The following PTPRD variants were observed in gnomAD, a reference collection of about 807,000 sequenced individuals.
The protein encoded by PTPRD is receptor-type tyrosine-protein phosphatase delta.
In PTPRD, 34 loss-of-function variants were observed where a neutral mutation model predicts 214.5. That is an observed-to-expected ratio of 0.16 (90% CI 0.12 to 0.21). PTPRD has a LOEUF of 0.21. Among genes scored for constraint, PTPRD ranks in the 10% least tolerant of loss-of-function variants. The pLI, the probability that PTPRD is intolerant of heterozygous loss-of-function variation, is 1.00. For missense variants in PTPRD, 2,545 were observed against 2,398.7 expected (o/e 1.06, Z -1.27); for synonymous variants, 1,128 against 845.7 (o/e 1.33, Z -5.79).
chr9:8,422,419 A>C (rs1262980078), intron 35 of PTPRD, among the ~76,000 whole-genome samples: 1 of 152,122 alleles, frequency 6.6e-6, no homozygotes, highest in African/African-American at 2.4e-5. Flanking sequence ...TTTTTCAGAA[A>C]ACATTTTTAT....
intron 6 of PTPRD, among the ~76,000 whole-genome samples, chr9:9,762,646 G>A (rs926108159): frequency 3.9e-5 from 6 of 152,142 alleles, no homozygotes; most frequent in Admixed American, 3.3e-4. Context: ...AAAAAGGATT[G>A]ATTCTCTTCC....
At chr9:9,601,244 A>G (rs1177590145) in intron 7 of PTPRD, among the ~76,000 whole-genome samples, 2 of 151,840 alleles carry the variant, frequency 1.3e-5, no homozygotes, top group Non-Finnish European at 2.9e-5. Flanking sequence ...ATTACTTTTG[A>G]TAAAAATTTT....
At chr9:10,379,658 A>G (rs763310398) in intron 2 of PTPRD, among the ~76,000 whole-genome samples, 1 of 152,094 alleles carries the variant, frequency 6.6e-6, no homozygotes, top group Non-Finnish European at 1.5e-5. Flanking sequence ...ATAACAGTTC[A>G]AAAAGAATAT....
chr9:10,496,796 C>T (rs997248422), intron 2 of PTPRD, among the ~76,000 whole-genome samples: 12 of 151,848 alleles, frequency 7.9e-5, no homozygotes, highest in Admixed American at 3.3e-4. Flanking sequence ...CACACTTTAA[C>T]GGGGTTATGT....
At chr9:8,581,834 T>A (rs745534784) in intron 14 of PTPRD, among the ~76,000 whole-genome samples, 15 of 136,654 alleles carry the variant, frequency 1.1e-4, no homozygotes, top group Non-Finnish European at 1.8e-4. Context: ...CTCACGCCTG[T>A]AATCCCAGCA....
intron 3 of PTPRD, among the ~76,000 whole-genome samples, chr9:10,292,196 C>T (rs1304665962): frequency 2.0e-5 from 3 of 151,982 alleles, no homozygotes; most frequent in Non-Finnish European, 2.9e-5. Flanking sequence ...GTAAAAGATA[C>T]TGAGGAGACA....
chr9:8,822,392 A>G (rs1362182194), intron 11 of PTPRD, among the ~76,000 whole-genome samples: 2 of 152,230 alleles, frequency 1.3e-5, no homozygotes, highest in African/African-American at 2.4e-5. Flanking sequence ...ACAAACCAAT[A>G]TAATCATGTG....
intron 8 of PTPRD, among the ~76,000 whole-genome samples, chr9:9,404,374 A>G (rs984594716): frequency 1.3e-5 from 2 of 152,112 alleles, no homozygotes; most frequent in Admixed American, 6.6e-5. Flanking sequence ...CTGGAGATGG[A>G]GAAAACTGGA....
intron 34 of PTPRD, among the ~76,000 whole-genome samples, chr9:8,438,533 G>C (rs912407017): frequency 2.0e-5 from 3 of 152,202 alleles, no homozygotes; most frequent in African/African-American, 4.8e-5. Context: ...GAGGGTGACA[G>C]TGATCTGATA....
intron 8 of PTPRD, among the ~76,000 whole-genome samples, chr9:9,537,806 A>G (rs2076819513): frequency 6.6e-6 from 1 of 151,900 alleles, no homozygotes; most frequent in African/African-American, 2.4e-5. Flanking sequence ...TTATATAACT[A>G]AGCTTTTACC....
intron 10 of PTPRD, among the ~76,000 whole-genome samples, chr9:9,171,211 C>T (rs2099914841): frequency 6.6e-6 from 1 of 152,022 alleles, no homozygotes; most frequent in African/African-American, 2.4e-5. Context: ...CTAAATGGGG[C>T]ATTGAGAGGT....
chr9:8,448,780 G>A lies in PTPRD; in HGVS notation c.3988+945C>T, dbSNP rs565407065. Among the ~76,000 whole-genome samples the A allele has an allele frequency of 8.5e-5, 13 of 152,252 alleles. 1 individual carries two copies. In the South Asian group the frequency reaches 2.7e-3, roughly 32 times the overall value. On this transcript the variant is annotated intron_variant, in intron 34 of 45. Transcript: ENST00000381196. ...TGTTCAAAATAATTCACTGTAAAAT[G>A]TGTACTGTAATATATCTGCAGTGTA...
intron 8 of PTPRD, among the ~76,000 whole-genome samples, chr9:9,432,425 T>C (rs1354456972): frequency 6.6e-6 from 1 of 152,208 alleles, no homozygotes; most frequent in Non-Finnish European, 1.5e-5. Context: ...ATTTTTAAAA[T>C]GCTTCTATAG....
intron 11 of PTPRD, among the ~76,000 whole-genome samples, chr9:8,964,805 T>A (rs984623731): frequency 3.3e-5 from 5 of 152,186 alleles, no homozygotes; most frequent in African/African-American, 1.2e-4. Context: ...ATTTCATTGT[T>A]TATCCAAAAG....
At chr9:8,484,619 T>C (rs1046602026) in intron 29 of PTPRD, among the ~76,000 whole-genome samples, 5 of 151,122 alleles carry the variant, frequency 3.3e-5, no homozygotes, top group Admixed American at 1.3e-4. Context: ...GATATATACA[T>C]ATATATATAT....
At chr9:8,550,911 G>T (rs761909617) in intron 14 of PTPRD, among the ~76,000 whole-genome samples, 1 of 152,142 alleles carries the variant, frequency 6.6e-6, no homozygotes, top group African/African-American at 2.4e-5. Context: ...CTCTCCACGG[G>T]CCTGTCTTCG....
At chr9:9,938,928 T>C (rs894421311) in intron 4 of PTPRD, among the ~76,000 whole-genome samples, 1 of 152,212 alleles carries the variant, frequency 6.6e-6, no homozygotes, top group African/African-American at 2.4e-5. Context: ...ATTTTCCATA[T>C]AGTGTCCTTG....
chr9:9,934,597 C>A (rs2088369707), intron 5 of PTPRD, among the ~76,000 whole-genome samples: 1 of 150,920 alleles, frequency 6.6e-6, no homozygotes, highest in Admixed American at 6.6e-5. Flanking sequence ...GCTTACCAAC[C>A]AAAAAGAGTC....
chr9:9,618,248 C>A (rs76699632), intron 7 of PTPRD, among the ~76,000 whole-genome samples: 2,344 of 151,952 alleles, frequency 0.015, 62 homozygotes, highest in African/African-American at 0.054. Flanking sequence ...TATTCTCACT[C>A]TTCATCATTA....
Sources: gnomAD v4.1 joint callset for allele counts (sites outside exome capture counted in the v4.1 genomes callset) on GRCh38, gnomAD v4.1.1 for gene constraint, MANE v1.5 for transcripts, NCBI Gene and HGNC (gene_info 2026-07-23, HGNC 2026-07-21) for gene names.